Variants in GRIA3 observed in about 807,000 individuals in gnomAD.
GRIA3 encodes glutamate ionotropic receptor AMPA type subunit 3.
Under a neutral mutation model 63.0 loss-of-function variants are expected in GRIA3, and 3 were observed. The ratio of observed to expected loss-of-function variants is 0.05; its 90% CI spans 0.02 to 0.12. GRIA3 has a LOEUF of 0.12. Ranked by LOEUF, GRIA3 falls within the 10% of genes least tolerant of loss-of-function variation. The pLI is 1.00. For missense variants in GRIA3, 347 were observed against 700.9 expected (o/e 0.50, Z 5.70); for synonymous variants, 274 against 257.9 (o/e 1.06, Z -0.60).
intron 3 of GRIA3, among the ~76,000 whole-genome samples, chrX:123,303,294 C>T (rs2044734936): frequency 1.8e-5 from 2 of 110,681 alleles, no homozygotes; most frequent in Non-Finnish European, 3.8e-5. Flanking sequence ...TTAGTTCCTT[C>T]TAGTCAGGAA....
chrX:123,390,413 G>GTTTTTTTGTT (rs1556310387), intron 5 of GRIA3, among the ~76,000 whole-genome samples: 1 of 111,253 alleles, frequency 9.0e-6, no homozygotes, highest in East Asian at 2.8e-4. Context: ...GTTGCCAGGT[G>GTTTTTTTGTT]TTTTTTTGTT....
At chrX:123,426,011 A>G (rs2045587705) in intron 11 of GRIA3, among the ~76,000 whole-genome samples, 1 of 31,681 alleles carries the variant, frequency 3.2e-5, no homozygotes, top group African/African-American at 7.4e-5. Context: ...GCTGGTACAG[A>G]CAGAGAAGAG....
intron 2 of GRIA3, among the ~76,000 whole-genome samples, chrX:123,189,565 CT>C (rs1927371544): frequency 8.9e-6 from 1 of 112,740 alleles, no homozygotes; most frequent in African/African-American, 3.2e-5. Context: ...CTCATATTCC[CT>C]CTCCGCACTG....
chrX:123,185,402 A>AT (rs1426387265), intron 1 of GRIA3, among the ~76,000 whole-genome samples: 26 of 104,678 alleles, frequency 2.5e-4, no homozygotes, highest in Non-Finnish European at 3.5e-4. Flanking sequence ...GAGGGTGGCT[A>AT]TGGGGAACGG....
At chrX:123,286,215 A>AC (rs2044618616) in intron 3 of GRIA3, among the ~76,000 whole-genome samples, 1 of 112,003 alleles carries the variant, frequency 8.9e-6, no homozygotes, top group African/African-American at 3.2e-5. Flanking sequence ...GTTCTTTGAA[A>AC]CCAATGAGAA....
At chrX:123,211,103 T>G (rs750916357) in intron 2 of GRIA3, among the ~76,000 whole-genome samples, 27 of 112,136 alleles carry the variant, frequency 2.4e-4, no homozygotes, top group African/African-American at 8.7e-4. Flanking sequence ...AATTCATATG[T>G]TACACAGAAA....
At chrX:123,461,041 C>T (rs2147427707) in intron 12 of GRIA3, among the ~76,000 whole-genome samples, 1 of 111,614 alleles carries the variant, frequency 9.0e-6, no homozygotes, top group South Asian at 3.8e-4. Context: ...TAGCAAGGTA[C>T]TCAGTGATTT....
At chrX:123,386,650 G>T (rs1296224404) in intron 5 of GRIA3, among the ~76,000 whole-genome samples, 1 of 111,813 alleles carries the variant, frequency 8.9e-6, no homozygotes, top group African/African-American at 3.3e-5. Context: ...TGAAAAATAG[G>T]AGTCCAGTTT....
In GRIA3 at chrX:123,398,498, C is replaced by A. The variant is rs1192869711; in HGVS notation, c.913-138C>A. 2.0e-5 allele frequency: 10 copies of A among 505,089 alleles called. No homozygotes were observed. The Admixed American group carries it at 2.5e-4, about 13-fold the overall frequency. 41.6% of individuals were successfully genotyped at this position (505,089 alleles called of 1,213,427 possible). On this transcript the variant is annotated intron_variant, in intron 6 of 15. Coordinates refer to ENST00000620443, the MANE Select transcript of GRIA3 (RefSeq NM_007325.5). Reference sequence around the variant, plus strand: ...GTAGAATGAATCGAATTCAGGCTTGCCCAGAGAGATCTCTTAAATAAATAG... The same window carrying A: ...GTAGAATGAATCGAATTCAGGCTTGACCAGAGAGATCTCTTAAATAAATAG...
intron 4 of GRIA3, among the ~76,000 whole-genome samples, chrX:123,334,456 G>C (rs1254645353): frequency 3.7e-5 from 4 of 108,974 alleles, no homozygotes; most frequent in Non-Finnish European, 7.7e-5. Flanking sequence ...GGAAAATAAA[G>C]AGAAAAAAAA....
In GRIA3 at chrX:123,253,529, T is replaced by C. The variant is rs1217897149; in HGVS notation, c.495T>C (p.Tyr165=). Residue 165 remains tyrosine, a synonymous_variant, in exon 3 of 16, where the codon TAT becomes TAC. Transcript: ENST00000620443. ...AGTGGGAGAAGTTTGTGTACCTCTA[T>C]GACACAGAACGAGGTAAGAAGAGGC... ...HYKWEKFVYL[Y]DTERGFSILQ... is the part of the protein sequence containing the mutation. 2 of 1,206,353 alleles carry C rather than the reference T, an allele frequency of 1.7e-6. No homozygotes were observed. The highest frequency in any genetic ancestry group is 2.2e-5 in the Admixed American group (1 of 45,801).
chrX:123,334,739 A>G (rs973003850), intron 4 of GRIA3, among the ~76,000 whole-genome samples: 14 of 111,565 alleles, frequency 1.3e-4, no homozygotes, highest in African/African-American at 4.2e-4. Context: ...CAGAGTACAG[A>G]AGCCTTGAGG....
intron 12 of GRIA3, among the ~76,000 whole-genome samples, chrX:123,430,385 C>A (rs1331598268): frequency 1.8e-5 from 2 of 111,620 alleles, no homozygotes; most frequent in Admixed American, 1.9e-4. Flanking sequence ...TGGGGTGGTT[C>A]TTCAGGGCAG....
intron 5 of GRIA3, among the ~76,000 whole-genome samples, chrX:123,362,204 G>A (rs746345063): frequency 6.9e-4 from 77 of 111,654 alleles, no homozygotes; most frequent in African/African-American, 2.4e-3. Context: ...AGAGTGTATT[G>A]TCCTTAAGAA....
rs189437004 is a variant in GRIA3, at chrX:123,326,097, G to A, written c.580G>A (p.Gly194Arg). The A allele has an allele frequency of 5.6e-5, 68 of 1,205,961 alleles. No individual in the cohort carries two copies. The highest frequency in any genetic ancestry group is 1.5e-4 in the Admixed American group (7 of 45,735). The stretch of plus-strand genomic sequence containing the variant: ...CTGGCAAGTAACAGCAAGGTCTGTG[G>A]GAAACATAAAGGACGTCCAAGAATT... ...NNWQVTARSV[G>R]NIKDVQEFRR... Residue 194 changes from glycine to arginine, a missense_variant, in exon 4 of 16, where the codon GGA becomes AGA. This residue lies in a region of GRIA3 where 113 missense variants were observed against 130.6 expected (regional missense o/e 0.87). Transcript: ENST00000620443.
Position 123,395,111 on chromosome X carries a change from C to T in GRIA3, c.894C>T (p.Ala298=), listed in dbSNP as rs776868950. ...TGGATGAAAGGGAATTCCCTGAAGCCAAGAATGCACCACTAAAGGTAATGT... is the reference window on the plus strand; with the variant it reads ...TGGATGAAAGGGAATTCCCTGAAGCTAAGAATGCACCACTAAAGGTAATGT... ...VRLDEREFPE[A]KNAPLKYTSA... is the part of the protein sequence containing the mutation. The change falls in exon 6 of 16, where the codon GCC becomes GCT. Residue 298 remains alanine, a synonymous_variant. Transcript: ENST00000620443. 9.1e-6 allele frequency: 11 copies of T among 1,205,935 alleles called. No homozygotes were observed. In the South Asian group the frequency reaches 1.9e-4, roughly 21 times the overall value.
intron 3 of GRIA3, among the ~76,000 whole-genome samples, chrX:123,299,034 G>A (rs2044703491): frequency 9.0e-6 from 1 of 110,809 alleles, no homozygotes; most frequent in South Asian, 3.9e-4. Context: ...TCAGATAGTT[G>A]TAGGTGTATG....
chrX:123,423,075 C>G (rs2045571260), intron 11 of GRIA3, among the ~76,000 whole-genome samples: 5 of 112,060 alleles, frequency 4.5e-5, no homozygotes, highest in Non-Finnish European at 9.4e-5. Flanking sequence ...AAATGCTCCC[C>G]CTGCTGACTT....
At chrX:123,441,049 C>G (rs747271270) in intron 12 of GRIA3, among the ~76,000 whole-genome samples, 1 of 111,736 alleles carries the variant, frequency 8.9e-6, no homozygotes, top group East Asian at 2.8e-4. Context: ...GCCCAGTATG[C>G]AGAAAATAAA....
Sources: gnomAD v4.1 joint callset for allele counts (sites outside exome capture counted in the v4.1 genomes callset) on GRCh38, gnomAD v4.1.1 for gene constraint, gnomAD v4.1.1 regional missense constraint, MANE v1.5 for transcripts, NCBI Gene and HGNC (gene_info 2026-07-23, HGNC 2026-07-21) for gene names.